Variants in CES5A observed in about 807,000 individuals in gnomAD.
CES5A encodes carboxylesterase 5.
In CES5A, 67 loss-of-function variants were observed where a neutral mutation model predicts 62.9. The observed-to-expected ratio is 1.07, with a 90% CI of 0.88 to 1.31. The LOEUF (loss-of-function observed/expected upper bound fraction) is 1.31, where lower values mean the gene tolerates loss of function less well. Among genes scored for constraint, CES5A ranks in the 50% most tolerant of loss-of-function variants. CES5A has a pLI of 0.00. For missense variants in CES5A, 748 were observed against 708.5 expected (o/e 1.06, Z -0.63); for synonymous variants, 296 against 280.8 (o/e 1.05, Z -0.54).
intron 1 of CES5A, among the ~76,000 whole-genome samples, chr16:55,909,944 T>C (rs2034077618): frequency 6.6e-6 from 1 of 152,154 alleles, no homozygotes; most frequent in African/African-American, 2.4e-5. Context: ...GTTAGACACA[T>C]TGCCTGCATG....
intron 4 of CES5A, among the ~76,000 whole-genome samples, chr16:55,868,219 C>A (rs1381202257): frequency 1.3e-5 from 2 of 152,180 alleles, no homozygotes; most frequent in Non-Finnish European, 2.9e-5. Context: ...GAATCTTATG[C>A]AGAATCCTAA....
At chr16:55,899,244 C>T (rs1339009008) in intron 1 of CES5A, among the ~76,000 whole-genome samples, 1 of 152,150 alleles carries the variant, frequency 6.6e-6, no homozygotes. Flanking sequence ...ACAGAATGGA[C>T]AGGTCCCTTT....
chr16:55,889,137 A>G (rs984072960), intron 1 of CES5A, among the ~76,000 whole-genome samples: 1 of 142,718 alleles, frequency 7.0e-6, no homozygotes, highest in Non-Finnish European at 1.6e-5. Context: ...TAAGACATAG[A>G]AAAAAAAAAA....
upstream of CES5A, among the ~76,000 whole-genome samples, chr16:55,878,817 C>T (rs528461859): frequency 8.7e-5 from 13 of 149,860 alleles, no homozygotes; most frequent in East Asian, 2.0e-3. Flanking sequence ...CACTGCACTC[C>T]ATCACTACAC....
At chr16:55,890,939 T>C (rs903493177) in intron 1 of CES5A, among the ~76,000 whole-genome samples, 2 of 152,190 alleles carry the variant, frequency 1.3e-5, no homozygotes, top group Admixed American at 1.3e-4. Context: ...CTTCTACTTT[T>C]AAACTTAACT....
At chr16:55,894,059 CA>C (rs1300776065) in intron 1 of CES5A, among the ~76,000 whole-genome samples, 2 of 150,452 alleles carry the variant, frequency 1.3e-5, no homozygotes, top group Admixed American at 1.3e-4. Context: ...AAATAGAAAC[CA>C]AAAGATGAAA....
intron 2 of CES5A, among the ~76,000 whole-genome samples, chr16:55,932,205 G>A (rs1340715898): frequency 6.6e-6 from 1 of 152,184 alleles, no homozygotes; most frequent in Non-Finnish European, 1.5e-5. Flanking sequence ...TGCTATCCAT[G>A]TGATGCCCTG....
intron 4 of CES5A, 50 bp from the exon 5 acceptor site, chr16:55,866,166 C>T (rs771111622): frequency 1.9e-6 from 3 of 1,568,442 alleles, no homozygotes; most frequent in African/African-American, 1.4e-5. Flanking sequence ...TGGTGTGTTT[C>T]CCACAGCCCT....
chr16:55,924,075 G>T (rs191041199), intron 1 of CES5A, among the ~76,000 whole-genome samples: 7 of 151,910 alleles, frequency 4.6e-5, no homozygotes, highest in Admixed American at 2.0e-4. Context: ...GAGTAATTAG[G>T]CAAGAGAAAG....
chr16:55,928,790 G>A (rs2034282125), upstream of CES5A, among the ~76,000 whole-genome samples: 1 of 152,190 alleles, frequency 6.6e-6, no homozygotes, highest in Non-Finnish European at 1.5e-5. Flanking sequence ...TGATTCTGCT[G>A]TTAATTGTTA....
At chr16:55,921,768 T>C (rs1385355421) in intron 1 of CES5A, among the ~76,000 whole-genome samples, 1 of 151,600 alleles carries the variant, frequency 6.6e-6, no homozygotes, top group Non-Finnish European at 1.5e-5. Flanking sequence ...CTCATAACTC[T>C]AGTATGGAGG....
chr16:55,898,714 C>T (rs2033959789), intron 1 of CES5A, among the ~76,000 whole-genome samples: 1 of 152,204 alleles, frequency 6.6e-6, no homozygotes, highest in African/African-American at 2.4e-5. Context: ...GCCCAGGGGC[C>T]ACTGCCTTAG....
At chr16:55,860,154 C>CTT (rs199642762) in intron 7 of CES5A, among the ~76,000 whole-genome samples, 5 of 151,120 alleles carry the variant, frequency 3.3e-5, no homozygotes, top group East Asian at 1.9e-4. Flanking sequence ...CCTGAACAAG[C>CTT]TTTTTTTTTG....
At chr16:55,921,834 G>A (rs903608428) in intron 1 of CES5A, among the ~76,000 whole-genome samples, 3 of 151,910 alleles carry the variant, frequency 2.0e-5, no homozygotes, top group Admixed American at 1.3e-4. Flanking sequence ...TAAGAAATGG[G>A]TAATATAAAA....
At chr16:55,937,731 C>T (rs954442298) in intron 2 of CES5A, among the ~76,000 whole-genome samples, 14 of 152,172 alleles carry the variant, frequency 9.2e-5, no homozygotes, top group East Asian at 3.9e-4. Context: ...AAGGAGCCCA[C>T]GCACCTTCTT....
At chr16:55,882,844 C>A (rs35932089) in intron 1 of CES5A, among the ~76,000 whole-genome samples, 3,012 of 150,700 alleles carry the variant, frequency 0.02, 107 homozygotes, top group African/African-American at 0.072. Flanking sequence ...GAGCACAAAG[C>A]CTCCAGAGGG....
upstream of CES5A, among the ~76,000 whole-genome samples, chr16:55,879,327 T>G (rs1459187665): frequency 6.6e-6 from 1 of 151,654 alleles, no homozygotes; most frequent in African/African-American, 2.4e-5. Context: ...CTGCATTCCA[T>G]CACTGCAACC....
chr16:55,852,863 G>C lies in CES5A; in HGVS notation c.1273+18C>G. 1 of 1,607,074 alleles carries C rather than the reference G, an allele frequency of 6.2e-7. No homozygotes were observed. The highest frequency in any genetic ancestry group is 1.3e-5 in the African/African-American group (1 of 74,862). ...CTCACTGGGCTATGGTCCTGGAGCG[G>C]GATGCTCAGATACTCACCTCTGTGA... is the stretch of plus-strand genomic sequence containing the variant. On this transcript the variant is annotated intron_variant, in intron 10 of 12. Coordinates refer to ENST00000290567, the MANE Select transcript of CES5A (RefSeq NM_001143685.2).
intron 1 of CES5A, among the ~76,000 whole-genome samples, chr16:55,891,502 G>A (rs1266499920): frequency 2.0e-5 from 3 of 152,178 alleles, no homozygotes; most frequent in African/African-American, 7.2e-5. Context: ...ATGAACATTG[G>A]TTCATTCCAG....
Sources: allele counts gnomAD v4.1 joint callset (sites outside exome capture counted in the v4.1 genomes callset), GRCh38; gene constraint gnomAD v4.1.1; transcripts MANE v1.5; gene names NCBI Gene and HGNC (gene_info 2026-07-23, HGNC 2026-07-21).